CELF2: variants seen among roughly 807,000 people sequenced by gnomAD.
The protein encoded by CELF2 is CUG triplet repeat RNA-binding protein 2.
In CELF2, 8 loss-of-function variants were observed where a neutral mutation model predicts 62.6. The ratio of observed to expected loss-of-function variants is 0.13; its 90% confidence interval spans 0.07 to 0.23. CELF2 has a LOEUF of 0.23. Ranked by LOEUF, CELF2 falls within the 10% of genes least tolerant of loss-of-function variation. The pLI is 1.00. For synonymous variants in CELF2, 258 were observed against 250.0 expected, an observed-to-expected ratio of 1.03 and a Z score of -0.30; for missense variants, 333 against 671.0, an observed-to-expected ratio of 0.50 and a Z score of 5.56.
chr10:10,861,914 C>G (rs2060065303), intron 1 of CELF2, among the ~76,000 whole-genome samples: 1 of 152,108 alleles, frequency 6.6e-6, no homozygotes, highest in South Asian at 2.1e-4. Context: ...AACAATAGGT[C>G]TAATAAAAGG....
At chr10:10,970,065 A>T (rs916006324) in intron 2 of CELF2, among the ~76,000 whole-genome samples, 1 of 151,900 alleles carries the variant, frequency 6.6e-6, no homozygotes, top group Non-Finnish European at 1.5e-5. Context: ...TGATGTATTT[A>T]TTTATTTATT....
intron 2 of CELF2, among the ~76,000 whole-genome samples, chr10:11,173,569 A>G (rs1478926240): frequency 6.6e-6 from 1 of 152,240 alleles, no homozygotes; most frequent in Non-Finnish European, 1.5e-5. Flanking sequence ...GTGAAACACC[A>G]CTAGCATAAT....
chr10:10,907,430 A>C (rs1317839596), intron 1 of CELF2, among the ~76,000 whole-genome samples: 1 of 152,228 alleles, frequency 6.6e-6, no homozygotes, highest in Admixed American at 6.5e-5. Flanking sequence ...TGTGCTTTTA[A>C]AGAACAAGTA....
chr10:10,478,268 G>A, the CELF2 span, among the ~76,000 whole-genome samples: 3 of 152,108 alleles, frequency 2.0e-5, no homozygotes, highest in South Asian at 6.2e-4. Flanking sequence ...ACTGAAGGCT[G>A]GAATCTGGCC....
chr10:11,326,999 C>T (rs984758992), intron 12 of CELF2, among the ~76,000 whole-genome samples: 10 of 152,136 alleles, frequency 6.6e-5, no homozygotes, highest in Admixed American at 2.0e-4. Context: ...AACTCTAATC[C>T]TAAGGTCTAA....
At chr10:10,479,766 A>G in the CELF2 span, among the ~76,000 whole-genome samples, 1 of 152,254 alleles carries the variant, frequency 6.6e-6, no homozygotes. Context: ...AAATATTAAT[A>G]TCTTCCTCAA....
the CELF2 span, among the ~76,000 whole-genome samples, chr10:10,751,143 G>A: frequency 2.0e-3 from 307 of 152,322 alleles, 1 homozygote; most frequent in African/African-American, 7.0e-3. Context: ...GAGAAATATT[G>A]GAGTGCTGAG....
chr10:11,100,195 C>T (rs1206323650), intron 1 of CELF2, among the ~76,000 whole-genome samples: 1 of 151,708 alleles, frequency 6.6e-6, no homozygotes, highest in Non-Finnish European at 1.5e-5. Flanking sequence ...CAGAGCGAGA[C>T]TCTGTCTCAA....
intron 2 of CELF2, among the ~76,000 whole-genome samples, chr10:10,976,189 A>C (rs1225020296): frequency 1.3e-5 from 2 of 152,168 alleles, no homozygotes; most frequent in African/African-American, 4.8e-5. Context: ...TTATCCAGAC[A>C]CTGTTTTGGT....
the CELF2 span, among the ~76,000 whole-genome samples, chr10:10,728,828 C>T: frequency 3.9e-5 from 6 of 152,048 alleles, no homozygotes; most frequent in South Asian, 2.1e-4. Flanking sequence ...CGTTAAGCCA[C>T]GAGAACATGA....
At chr10:10,571,732 T>A in the CELF2 span, among the ~76,000 whole-genome samples, 3 of 152,130 alleles carry the variant, frequency 2.0e-5, no homozygotes, top group Non-Finnish European at 2.9e-5. Context: ...GACAGCAGAT[T>A]CTTGCAGTAG....
intron 2 of CELF2, among the ~76,000 whole-genome samples, chr10:10,984,550 T>G (rs1383532113): frequency 6.6e-6 from 1 of 152,164 alleles, no homozygotes; most frequent in Non-Finnish European, 1.5e-5. Flanking sequence ...TCCTAGAGGA[T>G]AGAGAAAGGT....
intron 3 of CELF2, among the ~76,000 whole-genome samples, chr10:11,235,187 A>C (rs192097928): frequency 5.1e-4 from 78 of 152,350 alleles, no homozygotes; most frequent in East Asian, 1.9e-3. Context: ...AAACATAAAG[A>C]GGCAAGCTTC....
intron 9 of CELF2, among the ~76,000 whole-genome samples, chr10:11,301,822 C>T (rs2093780482): frequency 6.6e-6 from 1 of 151,916 alleles, no homozygotes; most frequent in Admixed American, 6.5e-5. Context: ...CTGGGTGGGG[C>T]CACAGGCTCA....
the CELF2 span, among the ~76,000 whole-genome samples, chr10:10,615,320 T>A: frequency 2.0e-5 from 3 of 152,102 alleles, 1 homozygote; most frequent in Admixed American, 6.5e-5. Flanking sequence ...TTTACAGACA[T>A]GCACAAAGCA....
chr10:10,712,164 A>C, the CELF2 span, among the ~76,000 whole-genome samples: 1 of 149,478 alleles, frequency 6.7e-6, no homozygotes, highest in Non-Finnish European at 1.5e-5. Context: ...AAAAAAAAAA[A>C]AAAAAAAAAC....
chr10:10,553,444 C>G, the CELF2 span, among the ~76,000 whole-genome samples: 1 of 152,156 alleles, frequency 6.6e-6, no homozygotes. Context: ...ACCTAATCAC[C>G]TCTCAAAGGC....
At position 11,335,265 on chromosome 10, in the gene CELF2, T is replaced by C. The variant is rs2096097430; in HGVS notation, c.*6212T>C. The C allele has an allele frequency of 6.6e-6, 1 of 152,354 alleles. No individual in the cohort carries two copies. The highest frequency in any genetic ancestry group is 2.4e-5 in the African/African-American group (1 of 41,464). 9.4% of individuals were successfully genotyped at this position (152,354 alleles called of 1,614,324 possible). On this transcript the variant is annotated 3_prime_UTR_variant, in exon 13 of 13. Coordinates refer to ENST00000633077, the MANE Select transcript of CELF2 (RefSeq NM_001326342.2). This position sits in a 1 kb window ranked among gnomAD's most constrained non-coding sequence, Gnocchi z 5.0. ...CCTGTTCTGCCTCTGCTCAGGAATC[T>C]GATTGCTCTTAAAGTGCTCTTACAA...
At chr10:10,564,726 A>G in the CELF2 span, among the ~76,000 whole-genome samples, 1 of 151,738 alleles carries the variant, frequency 6.6e-6, no homozygotes, top group South Asian at 2.1e-4. Context: ...CACGAAGAAA[A>G]GCAGCCAAGT....
Sources: allele counts gnomAD v4.1 joint callset (sites outside exome capture counted in the v4.1 genomes callset), GRCh38; gene constraint gnomAD v4.1.1; non-coding constraint Gnocchi (gnomAD v3.1); transcripts MANE v1.5; gene names NCBI Gene and HGNC (gene_info 2026-07-23, HGNC 2026-07-21).